PCDHGA9: variants seen among roughly 807,000 people sequenced by gnomAD.
PCDHGA9 encodes the protein protocadherin gamma-A9.
A neutral mutation model predicts 62.5 loss-of-function variants in PCDHGA9; 37 were observed. The observed-to-expected ratio is 0.59, with a 90% CI of 0.46 to 0.78. The LOEUF (loss-of-function observed/expected upper bound fraction) is 0.78. PCDHGA9 is among the 30% of genes least tolerant of loss of function. PCDHGA9 has a pLI of 0.00. For missense variants in PCDHGA9, 1,138 were observed against 1,166.2 expected (o/e 0.98, Z 0.35); for synonymous variants, 459 against 484.6 (o/e 0.95, Z 0.69).
intron 1 of PCDHGA9, chr5:141,413,907 G>C (rs745956130): frequency 6.2e-7 from 1 of 1,613,270 alleles, no homozygotes; most frequent in Non-Finnish European, 8.5e-7. Context: ...ACAACGCGCC[G>C]GTCTTCACCT....
intron 1 of PCDHGA9, chr5:141,441,118 G>C (rs1265461098): frequency 6.6e-6 from 1 of 152,212 alleles, no homozygotes; most frequent in Non-Finnish European, 1.5e-5. Flanking sequence ...CCAGTGTACA[G>C]TTGAGACCGA....
intron 1 of PCDHGA9, among the ~76,000 whole-genome samples, chr5:141,429,774 G>A (rs1175985162): frequency 6.6e-6 from 1 of 152,070 alleles, no homozygotes; most frequent in Non-Finnish European, 1.5e-5. Context: ...ATTTTGATGG[G>A]CTTCCAAAAG....
intron 1 of PCDHGA9, among the ~76,000 whole-genome samples, chr5:141,461,148 A>G (rs1293565790): frequency 1.3e-5 from 2 of 152,090 alleles, no homozygotes; most frequent in Non-Finnish European, 2.9e-5. Context: ...CTTTGGGTAG[A>G]TACCCAATAG....
intron 1 of PCDHGA9, among the ~76,000 whole-genome samples, chr5:141,434,340 G>A (rs2097687601): frequency 6.6e-6 from 1 of 152,150 alleles, no homozygotes; most frequent in Non-Finnish European, 1.5e-5. Context: ...TTTGTGTCGG[G>A]AACAGGCCCC....
Position 141,432,811 on chromosome 5 carries a change from T to G in PCDHGA9, c.2424+27435T>G. Reference sequence around the variant, plus strand: ...GCAGCCTCGAGTCTCCAGCTAACTCTGAAACCTCAGACCTCACTCTGTACC... The same window carrying G: ...GCAGCCTCGAGTCTCCAGCTAACTCGGAAACCTCAGACCTCACTCTGTACC... On this transcript the variant is annotated intron_variant, in intron 1 of 3. Transcript: ENST00000573521. The surrounding 1 kb of genome is among the most constrained non-coding windows in gnomAD (Gnocchi z 6.0). 1 of 1,614,126 alleles carries G rather than the reference T, an allele frequency of 6.2e-7. No homozygotes were observed. Among genetic ancestry groups the G allele is most frequent in the Non-Finnish European group, 8.5e-7 (1 of 1,179,988 alleles).
At chr5:141,411,215 A>C (rs1202378654) in intron 1 of PCDHGA9, 1 of 152,270 alleles carries the variant, frequency 6.6e-6, no homozygotes, top group Non-Finnish European at 1.5e-5. Context: ...TAACCTATCT[A>C]TTCAAATTTG....
intron 1 of PCDHGA9, chr5:141,413,935 A>T: frequency 6.2e-7 from 1 of 1,613,372 alleles, no homozygotes; most frequent in Non-Finnish European, 8.5e-7. Flanking sequence ...ATACCGAGTG[A>T]GTGTTCCTGA....
Position 141,403,895 on chromosome 5 carries a change from T to C in PCDHGA9, c.943T>C (p.Tyr315His). The C allele has an allele frequency of 6.2e-7, 1 of 1,613,884 alleles. No homozygotes were observed. Among genetic ancestry groups the C allele is most frequent in the Non-Finnish European group, 8.5e-7 (1 of 1,179,888 alleles). ...KSLDYEECSF[Y>H]EMEIQAEDGG... is the part of the protein sequence containing the mutation. ...TCTAGATTATGAAGAATGTTCATTT[T>C]ATGAAATGGAAATACAAGCTGAAGA... The change falls in exon 1 of 4, where the codon TAT becomes CAT. Residue 315 changes from tyrosine (Y) to histidine (H), a missense_variant. Coordinates refer to ENST00000573521, the MANE Select transcript of PCDHGA9 (RefSeq NM_018921.3).
intron 1 of PCDHGA9, among the ~76,000 whole-genome samples, chr5:141,482,178 C>T (rs950570560): frequency 2.6e-5 from 4 of 151,968 alleles, no homozygotes; most frequent in African/African-American, 4.8e-5. Context: ...TAAGGCTTTA[C>T]GATGCTCCAG....
intron 1 of PCDHGA9, 148 bp downstream of exon 1, chr5:141,405,524 A>T (rs1430059160): frequency 7.4e-6 from 5 of 677,158 alleles, no homozygotes; most frequent in Non-Finnish European, 1.2e-5. Context: ...AATTCAAGCG[A>T]TTCTCCTGCC....
chr5:141,416,791 G>A (rs1389798483), intron 1 of PCDHGA9: 2 of 152,166 alleles, frequency 1.3e-5, no homozygotes, highest in South Asian at 2.1e-4. Context: ...TCTACTAAAT[G>A]TGGTAGTATA....
In PCDHGA9 at chr5:141,423,756, G is replaced by A. The variant is rs544048105; in HGVS notation, c.2424+18380G>A. 1.6e-5 allele frequency: 7 copies of A among 448,620 alleles called. 1 individual carries two copies. Among genetic ancestry groups the A allele is most frequent in the Non-Finnish European group, 2.1e-5 (7 of 329,706 alleles). 27.8% of individuals were successfully genotyped at this position (448,620 alleles called of 1,614,324 possible). A position where few individuals can be genotyped will look rare whatever the true frequency, so the allele number is the denominator to read the frequency against. ...GCCTGTTATGAAAACTGTTTGGGGG[G>A]GGGGTGGGGCGGCATATATTTAGTT... On this transcript the variant is annotated intron_variant, in intron 1 of 3. Coordinates refer to ENST00000573521, the MANE Select transcript of PCDHGA9 (RefSeq NM_018921.3).
chr5:141,414,778 C>G, intron 1 of PCDHGA9: 5 of 1,614,202 alleles, frequency 3.1e-6, no homozygotes, highest in Non-Finnish European at 3.4e-6. Context: ...GCTACAGATG[C>G]AGGTGACAGC....
chr5:141,431,239 G>A lies in PCDHGA9; in HGVS notation c.2424+25863G>A. 6.2e-7 allele frequency: 1 copy of A among 1,614,152 alleles called. No homozygotes were observed. The highest frequency in any genetic ancestry group is 1.3e-5 in the African/African-American group (1 of 75,062). On this transcript the variant is annotated intron_variant, in intron 1 of 3. Transcript: ENST00000573521. This position sits in a 1 kb window ranked among gnomAD's most constrained non-coding sequence, Gnocchi z 4.8. ...TCCCTCTACCCCACGCCTGGGATCC[G>A]GATATCGGGAAGAACTCTCTGCAGA...
At chr5:141,467,393 T>C (rs1409255781) in intron 1 of PCDHGA9, among the ~76,000 whole-genome samples, 3 of 152,124 alleles carry the variant, frequency 2.0e-5, no homozygotes, top group African/African-American at 7.2e-5. Flanking sequence ...TTTTAAGTCA[T>C]AGTTAGAAAG....
chr5:141,477,482 C>G lies in PCDHGA9; in HGVS notation c.2425-17325C>G, dbSNP rs1168724444. On this transcript the variant is annotated intron_variant, in intron 1 of 3. Transcript: ENST00000573521. This position sits in a 1 kb window ranked among gnomAD's most constrained non-coding sequence, Gnocchi z 4.9. ...GTCCGACATCAATGACAACCCTCCA[C>G]AATCTTCTCAATCTTCCTACGACGT... 1 of 1,614,118 alleles carries G rather than the reference C, an allele frequency of 6.2e-7. No individual in the cohort carries two copies. The highest frequency in any genetic ancestry group is 1.1e-5 in the South Asian group (1 of 91,074).
At chr5:141,408,775 C>T (rs780901987) in intron 1 of PCDHGA9, 7 of 1,611,568 alleles carry the variant, frequency 4.3e-6, no homozygotes, top group Non-Finnish European at 5.9e-6. Context: ...GTGGCAAATA[C>T]CCAGAGTTAT....
intron 1 of PCDHGA9, chr5:141,415,772 T>C (rs540545854): frequency 4.5e-6 from 6 of 1,336,628 alleles, no homozygotes; most frequent in African/African-American, 1.8e-5. Context: ...TTTTTTTTTT[T>C]ACTTTCTGGT....
In PCDHGA9 at chr5:141,491,149, G is replaced by T; in HGVS notation, c.2425-3658G>T. 6.8e-6 allele frequency: 11 copies of T among 1,614,152 alleles called. No homozygotes were observed. The highest frequency in any genetic ancestry group is 9.3e-6 in the Non-Finnish European group (11 of 1,180,010). On this transcript the variant is annotated intron_variant, in intron 1 of 3. Transcript: ENST00000573521. This position sits in a 1 kb window ranked among gnomAD's most constrained non-coding sequence, Gnocchi z 6.9. ...GCGCACAGCCCGGGCCTTACTGGAGGATGACTCTGACACCCAGCAGGTGGT... is the reference window on the plus strand; with the variant it reads ...GCGCACAGCCCGGGCCTTACTGGAGTATGACTCTGACACCCAGCAGGTGGT...
Sources: gnomAD v4.1 joint callset for allele counts (sites outside exome capture counted in the v4.1 genomes callset) on GRCh38, gnomAD v4.1.1 for gene constraint, Gnocchi (gnomAD v3.1) non-coding constraint, MANE v1.5 for transcripts, NCBI Gene and HGNC (gene_info 2026-07-23, HGNC 2026-07-21) for gene names.